RHOBTB3: variants seen among roughly 807,000 people sequenced by gnomAD.
The protein encoded by RHOBTB3 is Rho related BTB domain containing 3, also known as rho-related BTB domain-containing protein 3.
RHOBTB3 carries 47 observed loss-of-function variants against 67.2 expected under a neutral mutation model. The ratio of observed to expected loss-of-function variants is 0.70; its 90% CI spans 0.55 to 0.89. The LOEUF (loss-of-function observed/expected upper bound fraction) is 0.89, where lower values mean the gene tolerates loss of function less well. Among genes scored for constraint, RHOBTB3 ranks in the 40% least tolerant of loss-of-function variants. RHOBTB3 has a pLI of 0.00. For synonymous variants in RHOBTB3, 273 were observed against 274.2 expected (o/e 1.00, Z 0.04); for missense variants, 631 against 750.0 (o/e 0.84, Z 1.85).
chr5:95,771,439 A>C (rs1745709273), intron 8 of RHOBTB3, among the ~76,000 whole-genome samples: 1 of 152,220 alleles, frequency 6.6e-6, no homozygotes, highest in Admixed American at 6.5e-5. Flanking sequence ...ACCTTCCGAC[A>C]AGCCACGGCC....
At chr5:95,757,986 C>CA (rs1745297115) in intron 6 of RHOBTB3, among the ~76,000 whole-genome samples, 1 of 152,130 alleles carries the variant, frequency 6.6e-6, no homozygotes, top group African/African-American at 2.4e-5. Flanking sequence ...TGTTTTTAAT[C>CA]ATATGTTTAA....
intron 1 of RHOBTB3, among the ~76,000 whole-genome samples, chr5:95,724,178 G>A (rs1258918825): frequency 2.0e-5 from 3 of 152,102 alleles, no homozygotes; most frequent in African/African-American, 7.2e-5. Flanking sequence ...CTGGTTTTAT[G>A]ATTAGTTTAT....
In RHOBTB3 at chr5:95,736,891, C is replaced by T. The variant is rs1755465964; in HGVS notation, c.231C>T (p.Asp77=). 6.3e-7 allele frequency: 1 copy of T among 1,590,762 alleles called. No individual in the cohort carries two copies. Among genetic ancestry groups the T allele is most frequent in the Non-Finnish European group, 8.5e-7 (1 of 1,170,482 alleles). The part of the protein sequence containing the change: ...KLVVHDCPVW[D]IFDSDWYTSR... ...TTGCTATTTGCATTTTGGTTTAGGA[C>T]ATATTTGACAGTGATTGGTACACTT... is the stretch of plus-strand genomic sequence containing the variant. Residue 77 remains aspartate, a splice_region_variant and synonymous_variant, in exon 3 of 12, where the codon GAC becomes GAT. Coordinates refer to ENST00000379982, the MANE Select transcript of RHOBTB3 (RefSeq NM_014899.4).
At position 95,732,343 on chromosome 5, in the gene RHOBTB3, A is replaced by G. The variant is rs1755309623; in HGVS notation, c.228+259A>G. The G allele has an allele frequency of 1.7e-5, 10 of 588,848 alleles. No individual in the cohort carries two copies. The East Asian group carries it at 2.8e-4, about 16-fold the overall frequency. The allele number at this position is 588,848 out of a possible 1,614,324, so 36.5% of individuals were successfully genotyped here. A position where few individuals can be genotyped will look rare whatever the true frequency, so the allele number is the denominator to read the frequency against. The stretch of plus-strand genomic sequence containing the variant: ...TGGTACACTTCACGACTGTGGGTTG[A>G]CCCTTGGTAGGCAGCAGACAGTTGA... On this transcript the variant is annotated intron_variant, in intron 2 of 11. Coordinates refer to ENST00000379982, the MANE Select transcript of RHOBTB3 (RefSeq NM_014899.4).
At chr5:95,720,249 G>A (rs1754828184) in intron 1 of RHOBTB3, among the ~76,000 whole-genome samples, 1 of 152,136 alleles carries the variant, frequency 6.6e-6, no homozygotes, top group Non-Finnish European at 1.5e-5. Context: ...GTCATCCTGA[G>A]GCCAGCCTGA....
At chr5:95,791,846 T>C (rs993113989) in intron 11 of RHOBTB3, among the ~76,000 whole-genome samples, 1 of 152,030 alleles carries the variant, frequency 6.6e-6, no homozygotes, top group African/African-American at 2.4e-5. Flanking sequence ...GTGCCTGGCC[T>C]CCAGCAAGGT....
At chr5:95,755,037 G>A (rs542082951) in intron 5 of RHOBTB3, among the ~76,000 whole-genome samples, 11 of 152,108 alleles carry the variant, frequency 7.2e-5, no homozygotes, top group African/African-American at 2.2e-4. Flanking sequence ...AGTATTTGGC[G>A]GCTTGTTTTA....
At chr5:95,783,228 T>C (rs2112833419) in intron 9 of RHOBTB3, among the ~76,000 whole-genome samples, 1 of 151,998 alleles carries the variant, frequency 6.6e-6, no homozygotes, top group East Asian at 1.9e-4. Context: ...TTTTAGTGAT[T>C]TTCCTGCCTC....
At chr5:95,790,508 A>C (rs12522899) in intron 11 of RHOBTB3, among the ~76,000 whole-genome samples, 11,069 of 152,208 alleles carry the variant, frequency 0.073, 544 homozygotes, top group Middle Eastern at 0.16. Flanking sequence ...TTAGTTATGA[A>C]TTTTCATTAT....
intron 1 of RHOBTB3, among the ~76,000 whole-genome samples, chr5:95,718,893 C>A (rs549393140): frequency 6.6e-6 from 1 of 152,224 alleles, no homozygotes; most frequent in Admixed American, 6.5e-5. Context: ...AAGCAGGGAA[C>A]AACTGGATGA....
In RHOBTB3 at chr5:95,755,530, G is replaced by A. The variant is rs780226430; in HGVS notation, c.817G>A (p.Val273Ile). 3.5e-5 allele frequency: 57 copies of A among 1,614,034 alleles called. No homozygotes were observed. Among genetic ancestry groups the A allele is most frequent in the Admixed American group, 5.0e-5 (3 of 59,992 alleles). The change falls in exon 6 of 12, where the codon GTT (valine) becomes ATT (isoleucine). Residue 273 changes from valine (V) to isoleucine (I), a missense_variant. Val to Ile is a conservative substitution (Grantham distance 29). Transcript: ENST00000379982. ...LKKVVEAHKI[V>I]LCAVSHVFML... Reference sequence around the variant, plus strand: ...GAAAGTTGTAGAGGCCCACAAGATCGTTCTCTGCGCTGTAAGCCATGTTTT... The same window carrying A: ...GAAAGTTGTAGAGGCCCACAAGATCATTCTCTGCGCTGTAAGCCATGTTTT...
At chr5:95,742,575 A>G (rs577636968) in intron 3 of RHOBTB3, among the ~76,000 whole-genome samples, 184 of 152,046 alleles carry the variant, frequency 1.2e-3, no homozygotes, top group Non-Finnish European at 1.8e-3. Context: ...TCTTTCTTTT[A>G]TATTTCTTAT....
chr5:95,785,896 C>T (rs1746212087), intron 10 of RHOBTB3, among the ~76,000 whole-genome samples: 3 of 152,098 alleles, frequency 2.0e-5, no homozygotes, highest in Admixed American at 6.5e-5. Context: ...CCCTCACTGC[C>T]CCCCTACACT....
chr5:95,788,624 T>G (rs3822753), intron 10 of RHOBTB3, 138 bp from the exon 11 acceptor site: 378,028 of 606,366 alleles, frequency 0.62, 119,943 homozygotes, highest in African/African-American at 0.76. Context: ...TGTCACAGTA[T>G]ACTGAAAGCT....
At chr5:95,789,203 AG>A (rs1746305789) in intron 11 of RHOBTB3, 1 of 221,160 alleles carries the variant, frequency 4.5e-6, no homozygotes, top group Non-Finnish European at 8.8e-6. Context: ...CTAAGTCAGC[AG>A]CAAAGTTTAA....
intron 8 of RHOBTB3, among the ~76,000 whole-genome samples, chr5:95,771,158 T>TG (rs888886331): frequency 6.6e-6 from 1 of 152,232 alleles, no homozygotes; most frequent in Non-Finnish European, 1.5e-5. Flanking sequence ...ACAACCTTTA[T>TG]GTAATACAGA....
At chr5:95,746,655 T>G (rs1306056016) in intron 3 of RHOBTB3, among the ~76,000 whole-genome samples, 2 of 152,212 alleles carry the variant, frequency 1.3e-5, no homozygotes, top group African/African-American at 4.8e-5. Context: ...ATTTTTATTT[T>G]TCCTTTTGGT....
intron 9 of RHOBTB3, chr5:95,782,091 A>G (rs748065417): frequency 1.3e-5 from 2 of 152,218 alleles, no homozygotes; most frequent in Non-Finnish European, 2.9e-5. Context: ...AGTAATAATG[A>G]TAGGATTTTT....
intron 8 of RHOBTB3, among the ~76,000 whole-genome samples, chr5:95,778,903 C>T (rs1745969845): frequency 6.6e-6 from 1 of 152,168 alleles, no homozygotes. Context: ...GAGGGCTTCC[C>T]AAGTTACTTC....
Sources: gnomAD v4.1 joint callset for allele counts (sites outside exome capture counted in the v4.1 genomes callset) on GRCh38, gnomAD v4.1.1 for gene constraint, MANE v1.5 for transcripts, NCBI Gene and HGNC (gene_info 2026-07-23, HGNC 2026-07-21) for gene names.